The following SHOC2 variants were observed in gnomAD, a reference collection of about 807,000 sequenced individuals.
SHOC2 encodes the protein leucine-rich repeat protein SHOC-2.
In SHOC2, 4 loss-of-function variants were observed where a neutral mutation model predicts 50.2. The ratio of observed to expected loss-of-function variants is 0.08; its 90% confidence interval spans 0.04 to 0.18. SHOC2 has a LOEUF of 0.18. Among genes scored for constraint, SHOC2 ranks in the 10% least tolerant of loss-of-function variants. The pLI, the probability that SHOC2 is intolerant of heterozygous loss-of-function variation, is 1.00. For synonymous variants in SHOC2, 218 were observed against 244.5 expected, an observed-to-expected ratio of 0.89 and a Z score of 1.01; for missense variants, 388 against 669.6, an observed-to-expected ratio of 0.58 and a Z score of 4.64.
intron 6 of SHOC2, 34 bp from the exon 7 acceptor site, chr10:111,009,214 G>T (rs757440633): frequency 3.5e-6 from 5 of 1,412,148 alleles, no homozygotes; most frequent in African/African-American, 1.4e-5. Context: ...TTCATTTCAT[G>T]ATTTCCTAAA....
intron 1 of SHOC2, among the ~76,000 whole-genome samples, chr10:110,922,498 CTG>C (rs1329700032): frequency 6.6e-6 from 1 of 151,906 alleles, no homozygotes; most frequent in Non-Finnish European, 1.5e-5. Flanking sequence ...ATACAGAAAT[CTG>C]TGTTTTAACT....
intron 1 of SHOC2, among the ~76,000 whole-genome samples, chr10:110,926,503 A>G (rs1175800774): frequency 6.6e-6 from 1 of 152,224 alleles, no homozygotes; most frequent in East Asian, 1.9e-4. Flanking sequence ...ACCAAATGTA[A>G]AAAGGACTGA....
At chr10:110,994,965 C>A (rs1282258029) in intron 3 of SHOC2, among the ~76,000 whole-genome samples, 1 of 152,012 alleles carries the variant, frequency 6.6e-6, no homozygotes, top group Non-Finnish European at 1.5e-5. Flanking sequence ...TTCAGATAGA[C>A]CAGATGAACA....
intron 6 of SHOC2, 91 bp downstream of exon 6, chr10:111,007,744 G>T: frequency 7.9e-7 from 1 of 1,261,292 alleles, no homozygotes. Flanking sequence ...TTTCTATTTG[G>T]GTGAATGTCA....
intron 1 of SHOC2, among the ~76,000 whole-genome samples, chr10:110,960,940 G>C (rs1483796465): frequency 6.6e-6 from 1 of 152,164 alleles, no homozygotes; most frequent in African/African-American, 2.4e-5. Context: ...GCCTCCCAAA[G>C]TGCTAGGATT....
chr10:110,962,464 T>C (rs1382230310), intron 1 of SHOC2, among the ~76,000 whole-genome samples: 1 of 152,170 alleles, frequency 6.6e-6, no homozygotes, highest in African/African-American at 2.4e-5. Context: ...CAAAATAATT[T>C]TTTTCTTTTT....
intron 1 of SHOC2, among the ~76,000 whole-genome samples, chr10:110,935,396 A>G (rs1356394136): frequency 6.6e-6 from 1 of 152,222 alleles, no homozygotes; most frequent in African/African-American, 2.4e-5. Context: ...CATTCTTTTT[A>G]TTAACTACAT....
intron 1 of SHOC2, among the ~76,000 whole-genome samples, chr10:110,920,697 C>T (rs756797561): frequency 9.9e-5 from 15 of 152,156 alleles, no homozygotes; most frequent in African/African-American, 9.7e-5. Flanking sequence ...TTGTCTGTTG[C>T]TTTGTATCGT....
At chr10:110,959,051 A>G (rs1847523988) in intron 1 of SHOC2, among the ~76,000 whole-genome samples, 1 of 152,218 alleles carries the variant, frequency 6.6e-6, no homozygotes, top group South Asian at 2.1e-4. Flanking sequence ...TACATTTTAT[A>G]TGTTATGTAA....
chr10:110,968,767 C>T (rs555446133), intron 2 of SHOC2, among the ~76,000 whole-genome samples: 3 of 152,108 alleles, frequency 2.0e-5, no homozygotes, highest in African/African-American at 7.2e-5. Flanking sequence ...CGCCACCGGA[C>T]TTCAGCCTGT....
intron 1 of SHOC2, among the ~76,000 whole-genome samples, chr10:110,941,800 T>C (rs1190201426): frequency 1.3e-5 from 2 of 152,188 alleles, no homozygotes; most frequent in African/African-American, 2.4e-5. Context: ...TCTTTTCTTT[T>C]ATGAAAAAAA....
At chr10:110,965,294 A>C (rs1456132708) in intron 2 of SHOC2, among the ~76,000 whole-genome samples, 1 of 152,202 alleles carries the variant, frequency 6.6e-6, no homozygotes, top group Admixed American at 6.5e-5. Flanking sequence ...GATCTTTCCC[A>C]CACAAACCTA....
chr10:111,003,883 G>A (rs1423943888), intron 4 of SHOC2, among the ~76,000 whole-genome samples: 1 of 152,026 alleles, frequency 6.6e-6, no homozygotes, highest in East Asian at 1.9e-4. Context: ...TCTTACCTAT[G>A]TACTTCTATA....
At chr10:110,942,224 C>T (rs899041668) in intron 1 of SHOC2, among the ~76,000 whole-genome samples, 4 of 152,142 alleles carry the variant, frequency 2.6e-5, no homozygotes, top group Admixed American at 1.3e-4. Context: ...CCACTGATTT[C>T]GTCAGGAAGG....
chr10:110,932,004 G>A (rs1261636283), intron 1 of SHOC2, among the ~76,000 whole-genome samples: 1 of 152,176 alleles, frequency 6.6e-6, no homozygotes, highest in Non-Finnish European at 1.5e-5. Flanking sequence ...CACAGAGGAG[G>A]TGGTATGCAG....
chr10:110,933,951 G>T lies in SHOC2; in HGVS notation c.-235+14294G>T, dbSNP rs139811077. Among the ~76,000 whole-genome samples, 5 of 152,282 alleles carry T rather than the reference G, an allele frequency of 3.3e-5. 1 individual carries two copies. In the East Asian group the frequency reaches 9.6e-4, roughly 29 times the overall value. The stretch of plus-strand genomic sequence containing the variant: ...GCAAATTAAAAAAGCCACAGTGTGT[G>T]TTAAGCACGATGTAGCTATTAGCTG... On this transcript the variant is annotated intron_variant, in intron 1 of 8. Coordinates refer to ENST00000369452, the MANE Select transcript of SHOC2 (RefSeq NM_007373.4).
At chr10:110,972,798 CT>C (rs1384428267) in intron 2 of SHOC2, among the ~76,000 whole-genome samples, 1 of 152,124 alleles carries the variant, frequency 6.6e-6, no homozygotes, top group East Asian at 1.9e-4. Flanking sequence ...GATCTCGCCA[CT>C]GTAGTCCAGC....
chr10:110,964,210 A>G lies in SHOC2; in HGVS notation c.-149A>G, dbSNP rs905061787. ...AATGGGCATAGTGCTTTTAGATCCA[A>G]CATGTAACAGATGGATGTTACTCCA... On this transcript the variant is annotated 5_prime_UTR_variant, in exon 2 of 9. Coordinates refer to ENST00000369452, the MANE Select transcript of SHOC2 (RefSeq NM_007373.4). The surrounding 1 kb of genome is among the most constrained non-coding windows in gnomAD (Gnocchi z 4.9). 4.1e-6 allele frequency: 5 copies of G among 1,226,326 alleles called. No individual in the cohort carries two copies. The South Asian group carries it at 4.5e-5, about 11-fold the overall frequency. The allele number at this position is 1,226,326 out of a possible 1,614,324, so 76.0% of individuals were successfully genotyped here.
intron 1 of SHOC2, among the ~76,000 whole-genome samples, chr10:110,955,518 T>G (rs750577081): frequency 6.6e-6 from 1 of 152,166 alleles, no homozygotes; most frequent in Non-Finnish European, 1.5e-5. Flanking sequence ...CTCAGTTCAG[T>G]TTAAAAGACA....
Sources: gnomAD v4.1 joint callset for allele counts (sites outside exome capture counted in the v4.1 genomes callset) on GRCh38, gnomAD v4.1.1 for gene constraint, Gnocchi (gnomAD v3.1) non-coding constraint, MANE v1.5 for transcripts, NCBI Gene and HGNC (gene_info 2026-07-23, HGNC 2026-07-21) for gene names.